NELL1: variants seen among roughly 807,000 people sequenced by gnomAD.
NELL1 encodes neural EGFL like 1, also known as protein kinase C-binding protein NELL1.
Under a neutral mutation model 107.4 loss-of-function variants are expected in NELL1, and 76 were observed. That is an observed-to-expected ratio of 0.71 (90% CI 0.59 to 0.86). NELL1 has a LOEUF of 0.86. Ranked by LOEUF, NELL1 falls within the 40% of genes least tolerant of loss-of-function variation. NELL1 has a pLI of 0.00. For synonymous variants in NELL1, 353 were observed against 341.2 expected (o/e 1.03, Z -0.38); for missense variants, 1,024 against 1,005.5 (o/e 1.02, Z -0.25).
intron 15 of NELL1, among the ~76,000 whole-genome samples, chr11:21,515,861 G>T (rs1455779774): frequency 2.0e-5 from 3 of 152,162 alleles, no homozygotes; most frequent in East Asian, 1.9e-4. Context: ...AGTTGAGGAG[G>T]TAGAGCAAAT....
At chr11:21,272,258 C>T (rs970658908) in intron 14 of NELL1, among the ~76,000 whole-genome samples, 1 of 152,194 alleles carries the variant, frequency 6.6e-6, no homozygotes, top group Non-Finnish European at 1.5e-5. Context: ...AGATTATATC[C>T]CACCCCTGGC....
intron 14 of NELL1, among the ~76,000 whole-genome samples, chr11:21,250,566 G>T (rs944011725): frequency 6.6e-6 from 1 of 152,156 alleles, no homozygotes; most frequent in Non-Finnish European, 1.5e-5. Context: ...AAGGAAAGTT[G>T]TCATATTTTG....
intron 15 of NELL1, among the ~76,000 whole-genome samples, chr11:21,513,509 G>C (rs1440168745): frequency 6.6e-6 from 1 of 151,990 alleles, no homozygotes; most frequent in Non-Finnish European, 1.5e-5. Context: ...TCAAATTAAA[G>C]TATATATATT....
intron 12 of NELL1, among the ~76,000 whole-genome samples, chr11:21,062,725 C>T (rs1405998878): frequency 1.3e-5 from 2 of 152,188 alleles, no homozygotes; most frequent in African/African-American, 4.8e-5. Context: ...ATTCTTATGG[C>T]CTTCCCTGGG....
At chr11:21,055,756 G>A (rs192623163) in intron 12 of NELL1, among the ~76,000 whole-genome samples, 2 of 152,210 alleles carry the variant, frequency 1.3e-5, no homozygotes, top group African/African-American at 4.8e-5. Context: ...GCAAAACACT[G>A]GGTCATGGAC....
At chr11:21,240,892 G>A (rs116421744) in intron 14 of NELL1, among the ~76,000 whole-genome samples, 198 of 152,060 alleles carry the variant, frequency 1.3e-3, no homozygotes, top group African/African-American at 4.4e-3. Context: ...AGGCTTAAGG[G>A]AAACATGTTA....
intron 15 of NELL1, among the ~76,000 whole-genome samples, chr11:21,452,775 C>A (rs530971021): frequency 2.0e-5 from 3 of 151,842 alleles, no homozygotes; most frequent in African/African-American, 7.2e-5. Flanking sequence ...TAAAATATTT[C>A]TTTTTTACTA....
intron 2 of NELL1, among the ~76,000 whole-genome samples, chr11:20,694,687 T>G (rs1014926289): frequency 2.6e-5 from 4 of 152,104 alleles, no homozygotes. Context: ...ATAGTATAGT[T>G]TGGTAATAGA....
Position 21,133,502 on chromosome 11 carries a change from G to T in NELL1, c.1426+19788G>T, listed in dbSNP as rs113418330. ...TGTTCCTGCTGAGGGGTGCCTGCAGGCCCCCACCCAGCCATCCTCAGCATC... is the reference window on the plus strand; with the variant it reads ...TGTTCCTGCTGAGGGGTGCCTGCAGTCCCCCACCCAGCCATCCTCAGCATC... On this transcript the variant is annotated intron_variant, in intron 13 of 19. Transcript: ENST00000357134. Among the ~76,000 whole-genome samples, 1,531 of 152,056 alleles carry T rather than the reference G, an allele frequency of 0.01. 65 individuals are homozygous for T. In the East Asian group the frequency reaches 0.11, roughly 11 times the overall value.
intron 5 of NELL1, among the ~76,000 whole-genome samples, chr11:20,889,215 G>A (rs1238264447): frequency 6.6e-6 from 1 of 152,070 alleles, no homozygotes; most frequent in African/African-American, 2.4e-5. Context: ...GAACTCCAAA[G>A]ACACAGAGAA....
intron 5 of NELL1, among the ~76,000 whole-genome samples, chr11:20,906,512 A>G (rs983299200): frequency 6.6e-6 from 1 of 152,110 alleles, no homozygotes; most frequent in African/African-American, 2.4e-5. Context: ...CAGAATTACT[A>G]TAATACCAAA....
At chr11:21,512,669 A>G (rs1238594512) in intron 15 of NELL1, among the ~76,000 whole-genome samples, 1 of 152,152 alleles carries the variant, frequency 6.6e-6, no homozygotes. Context: ...ATAGTCACAA[A>G]TAGTCTACAA....
chr11:20,812,089 T>G (rs1857512770), intron 3 of NELL1, among the ~76,000 whole-genome samples: 1 of 152,232 alleles, frequency 6.6e-6, no homozygotes. Flanking sequence ...TATATGACCT[T>G]TATTATGTTG....
intron 11 of NELL1, 134 bp from the exon 12 acceptor site, chr11:20,960,298 C>T: frequency 1.1e-6 from 1 of 887,784 alleles, no homozygotes; most frequent in Non-Finnish European, 1.7e-6. Context: ...CTTTCCTATC[C>T]AGTTTATCCG....
chr11:21,409,365 G>T (rs11026073), intron 15 of NELL1, among the ~76,000 whole-genome samples: 59,687 of 151,694 alleles, frequency 0.39, 12,084 homozygotes, highest in Middle Eastern at 0.52. Context: ...CTCACTCATA[G>T]GTGGGAATTG....
chr11:20,937,078 C>G (rs1850742000), intron 9 of NELL1, among the ~76,000 whole-genome samples: 2 of 152,278 alleles, frequency 1.3e-5, no homozygotes, highest in South Asian at 4.1e-4. Flanking sequence ...TTGACATATG[C>G]TGTACTTGCT....
At chr11:21,160,695 G>A (rs2133799251) in intron 13 of NELL1, among the ~76,000 whole-genome samples, 1 of 152,180 alleles carries the variant, frequency 6.6e-6, no homozygotes, top group Middle Eastern at 3.4e-3. Flanking sequence ...AGCAAGTTTT[G>A]AGCAATGGAT....
At chr11:21,066,340 A>G (rs374433691) in intron 12 of NELL1, among the ~76,000 whole-genome samples, 8 of 152,292 alleles carry the variant, frequency 5.3e-5, no homozygotes, top group African/African-American at 1.9e-4. Context: ...TGCCTGTGAT[A>G]AGTATTTTAC....
At chr11:20,711,087 G>A (rs1393097558) in intron 2 of NELL1, among the ~76,000 whole-genome samples, 1 of 151,676 alleles carries the variant, frequency 6.6e-6, no homozygotes, top group Non-Finnish European at 1.5e-5. Context: ...GTTTGTTCTT[G>A]TTTCTCTAGT....
Sources: gnomAD v4.1 joint callset for allele counts (sites outside exome capture counted in the v4.1 genomes callset) on GRCh38, gnomAD v4.1.1 for gene constraint, MANE v1.5 for transcripts, NCBI Gene and HGNC (gene_info 2026-07-23, HGNC 2026-07-21) for gene names.